ZCCHC2: variants seen among roughly 807,000 people sequenced by gnomAD.
The protein encoded by ZCCHC2 is zinc finger CCHC-type containing 2, also known as zinc finger CCHC domain-containing protein 2.
Under a neutral mutation model 103.6 loss-of-function variants are expected in ZCCHC2, and 39 were observed. The ratio of observed to expected loss-of-function variants is 0.38; its 90% CI spans 0.29 to 0.49. The LOEUF (loss-of-function observed/expected upper bound fraction) is 0.49. Among genes scored for constraint, ZCCHC2 ranks in the 20% least tolerant of loss-of-function variants. The probability of loss-of-function intolerance (pLI) is 0.96; values close to 1 mark genes in which losing one functional copy is unlikely to be tolerated. For missense variants in ZCCHC2, 1,483 were observed against 1,491.0 expected, an observed-to-expected ratio of 0.99 and a Z score of 0.09; for synonymous variants, 687 against 608.9, an observed-to-expected ratio of 1.13 and a Z score of -1.89.
At chr18:62,567,838 G>A (rs1018996871) in intron 11 of ZCCHC2, among the ~76,000 whole-genome samples, 1 of 150,912 alleles carries the variant, frequency 6.6e-6, no homozygotes, top group African/African-American at 2.4e-5. Context: ...CCAGCTACTC[G>A]GGAGACTGAG....
intron 13 of ZCCHC2, 93 bp from the exon 14 acceptor site, chr18:62,576,419 G>T (rs978098657): frequency 1.8e-5 from 20 of 1,098,430 alleles, no homozygotes; most frequent in African/African-American, 4.6e-5. Flanking sequence ...AAGGTGCCTT[G>T]TGGAGAGCAT....
intron 12 of ZCCHC2, among the ~76,000 whole-genome samples, chr18:62,572,581 G>A (rs1379947902): frequency 6.6e-6 from 1 of 152,146 alleles, no homozygotes; most frequent in Admixed American, 6.5e-5. Context: ...AAAAGGGCGT[G>A]GGTGGCTTTG....
chr18:62,535,108 A>G (rs1311217166), intron 1 of ZCCHC2, among the ~76,000 whole-genome samples: 1 of 151,520 alleles, frequency 6.6e-6, no homozygotes, highest in East Asian at 1.9e-4. Flanking sequence ...TCCCTCCCTC[A>G]TCTCTCGTGG....
At chr18:62,535,072 A>T (rs916449078) in intron 1 of ZCCHC2, among the ~76,000 whole-genome samples, 7 of 152,166 alleles carry the variant, frequency 4.6e-5, no homozygotes, top group Non-Finnish European at 8.8e-5. Flanking sequence ...GCCCAGGCTC[A>T]CATCCTTCCT....
At chr18:62,527,415 C>T (rs1481595477) in intron 1 of ZCCHC2, among the ~76,000 whole-genome samples, 1 of 152,152 alleles carries the variant, frequency 6.6e-6, no homozygotes, top group Non-Finnish European at 1.5e-5. Flanking sequence ...AACACGTACA[C>T]AGGTTGCCGG....
At chr18:62,540,740 A>G (rs1598936958) in intron 2 of ZCCHC2, among the ~76,000 whole-genome samples, 1 of 152,188 alleles carries the variant, frequency 6.6e-6, no homozygotes, top group East Asian at 1.9e-4. Flanking sequence ...TTAACTGTAA[A>G]GGTGGTACTG....
rs372653415 is a variant in ZCCHC2 at position 62,574,847 on chromosome 18, C to G, written c.2766C>G (p.Pro922=). Residue 922 remains proline (P), a synonymous_variant, in exon 13 of 14, where the codon CCC becomes CCG. Transcript: ENST00000269499. ...PPASYPLPGS[P]LAAGVLPSQN... ...CTTCCTACCCCTTACCAGGCTCTCCCCTTGCTGCCGGCGTGTTACCCAGCC... is the reference window on the plus strand; with the variant it reads ...CTTCCTACCCCTTACCAGGCTCTCCGCTTGCTGCCGGCGTGTTACCCAGCC... 1 of 1,613,942 alleles carries G rather than the reference C, an allele frequency of 6.2e-7. No individual in the cohort carries two copies. Among genetic ancestry groups the G allele is most frequent in the Non-Finnish European group, 8.5e-7 (1 of 1,179,896 alleles).
chr18:62,580,205 C>T (rs1239621513), downstream of ZCCHC2, among the ~76,000 whole-genome samples: 1 of 152,166 alleles, frequency 6.6e-6, no homozygotes, highest in African/African-American at 2.4e-5. Flanking sequence ...TTCATTTTCC[C>T]TACCTTATGA....
chr18:62,557,628 G>A (rs993529124), intron 6 of ZCCHC2, among the ~76,000 whole-genome samples: 6 of 152,230 alleles, frequency 3.9e-5, no homozygotes, highest in Admixed American at 2.6e-4. Context: ...CTGTAGCTAT[G>A]TAGATTTAAC....
Position 62,553,657 on chromosome 18 carries a change from A to G in ZCCHC2, c.1314-2546A>G, listed in dbSNP as rs1915761335. ...TATGTAATATTTTCAAACTATTTCT[A>G]AAAAGGTAGCAGCACTTTATGTCTT... On this transcript the variant is annotated intron_variant, in intron 5 of 13. Coordinates refer to ENST00000269499, the MANE Select transcript of ZCCHC2 (RefSeq NM_017742.6). Among the ~76,000 whole-genome samples, 5 of 152,216 alleles carry G rather than the reference A, an allele frequency of 3.3e-5. No homozygotes were observed. In the South Asian group the frequency reaches 1.0e-3, roughly 32 times the overall value.
At chr18:62,537,143 C>T (rs1292885236) in intron 1 of ZCCHC2, among the ~76,000 whole-genome samples, 1 of 152,120 alleles carries the variant, frequency 6.6e-6, no homozygotes, top group East Asian at 1.9e-4. Context: ...AAAAATAACA[C>T]CCTATTCCCT....
intron 5 of ZCCHC2, among the ~76,000 whole-genome samples, chr18:62,553,540 A>G (rs982908182): frequency 1.3e-5 from 2 of 151,946 alleles, no homozygotes; most frequent in African/African-American, 4.8e-5. Context: ...AATCCTCTCC[A>G]GGTATATATT....
At chr18:62,545,786 C>T (rs976885679) in intron 4 of ZCCHC2, among the ~76,000 whole-genome samples, 9 of 152,166 alleles carry the variant, frequency 5.9e-5, no homozygotes, top group East Asian at 1.9e-4. Context: ...ATATAACATA[C>T]GATATTATGA....
intron 12 of ZCCHC2, among the ~76,000 whole-genome samples, chr18:62,572,903 AG>A (rs1327903189): frequency 2.0e-5 from 3 of 152,200 alleles, no homozygotes; most frequent in African/African-American, 7.2e-5. Context: ...TGCAAAGTTT[AG>A]CAAGAAATAC....
Position 62,537,509 on chromosome 18 carries a change from A to G in ZCCHC2, c.940-2172A>G, listed in dbSNP as rs185494588. Among the ~76,000 whole-genome samples the G allele has an allele frequency of 3.3e-4, 50 of 152,306 alleles. 1 individual carries two copies. The highest frequency in any genetic ancestry group is 6.5e-4 in the Admixed American group (10 of 15,300). On this transcript the variant is annotated intron_variant, in intron 1 of 13. Transcript: ENST00000269499. ...CTTTATCAACTTGACTATTCTAGGT[A>G]TCTCATATAAGTGGAATCATGCTGT...
At chr18:62,551,426 T>C (rs934345263) in intron 5 of ZCCHC2, 1 of 152,232 alleles carries the variant, frequency 6.6e-6, no homozygotes, top group African/African-American at 2.4e-5. Flanking sequence ...TGGATGGGGC[T>C]TTCTTGGATG....
At position 62,565,219 on chromosome 18, in the gene ZCCHC2, A is replaced by G. The variant is rs1916307102; in HGVS notation, c.1846+123A>G. The stretch of plus-strand genomic sequence containing the variant: ...AATACTATAAGTTTACCTTGTGTTG[A>G]TATGTACAGCAATTTCCAAATTAAA... On this transcript the variant is annotated intron_variant, in intron 11 of 13. Coordinates refer to ENST00000269499, the MANE Select transcript of ZCCHC2 (RefSeq NM_017742.6). The G allele has an allele frequency of 9.9e-6, 7 of 709,848 alleles. No individual in the cohort carries two copies. In the East Asian group the frequency reaches 1.4e-4, roughly 14 times the overall value. The allele number at this position is 709,848 out of a possible 1,614,324, so 44.0% of individuals were successfully genotyped here.
At chr18:62,582,100 A>G (rs1448234911), downstream of ZCCHC2, among the ~76,000 whole-genome samples, 1 of 152,228 alleles carries the variant, frequency 6.6e-6, no homozygotes, top group Non-Finnish European at 1.5e-5. Flanking sequence ...ATAAAATGGG[A>G]TCAGACTGGA....
At chr18:62,532,951 C>T (rs1233996581) in intron 1 of ZCCHC2, among the ~76,000 whole-genome samples, 3 of 152,220 alleles carry the variant, frequency 2.0e-5, no homozygotes, top group Admixed American at 1.3e-4. Flanking sequence ...GCAGGAGGAT[C>T]ACTTGAGCCC....
Sources: gnomAD v4.1 joint callset for allele counts (sites outside exome capture counted in the v4.1 genomes callset) on GRCh38, gnomAD v4.1.1 for gene constraint, MANE v1.5 for transcripts, NCBI Gene and HGNC (gene_info 2026-07-23, HGNC 2026-07-21) for gene names.